The following GINM1 variants were observed in gnomAD, a reference collection of about 807,000 sequenced individuals.
The protein encoded by GINM1 is glycoprotein integral membrane protein 1.
Under a neutral mutation model 37.8 loss-of-function variants are expected in GINM1, and 29 were observed. The observed-to-expected ratio is 0.77, with a 90% CI of 0.57 to 1.05. GINM1 has a LOEUF of 1.05. Ranked by LOEUF, GINM1 falls within the 50% of genes least tolerant of loss-of-function variation. The probability of loss-of-function intolerance (pLI) is 0.00; values close to 1 mark genes in which losing one functional copy is unlikely to be tolerated. For synonymous variants in GINM1, 143 were observed against 146.2 expected, an observed-to-expected ratio of 0.98 and a Z score of 0.16; for missense variants, 377 against 397.9, an observed-to-expected ratio of 0.95 and a Z score of 0.45.
intron 7 of GINM1, among the ~76,000 whole-genome samples, chr6:149,584,704 T>C (rs1438656986): frequency 6.6e-6 from 1 of 152,050 alleles, no homozygotes; most frequent in Non-Finnish European, 1.5e-5. Flanking sequence ...TTATACTTAC[T>C]GGTTGAGCAT....
At chr6:149,570,137 TA>T (rs1301159848) in intron 1 of GINM1, among the ~76,000 whole-genome samples, 145 of 2,510 alleles carry the variant, frequency 0.058, 2 homozygotes, top group Admixed American at 0.079. Context: ...AGGTAGGTTT[TA>T]TATATATATA....
chr6:149,572,534 G>C lies in GINM1; in HGVS notation c.208G>C (p.Gly70Arg), dbSNP rs1396365007. 8.1e-6 allele frequency: 13 copies of C among 1,602,108 alleles called. No homozygotes were observed. The highest frequency in any genetic ancestry group is 1.0e-5 in the Non-Finnish European group (12 of 1,171,200). Residue 70 changes from glycine (G) to arginine (R), a missense_variant, in exon 3 of 8, where the codon GGA (glycine) becomes CGA (arginine). Physicochemically the swap from Gly to Arg is moderately radical, Grantham distance 125 (BLOSUM62 -2). Transcript: ENST00000367419. ...QVVLNITYES[G>R]QVYVNDLPVN... ...TGTTCTTAACATAACCTATGAGAGT[G>C]GACAGGTGTATGTAAATGACTTACC...
At position 149,583,610 on chromosome 6, in the gene GINM1, C is replaced by T. The variant is rs76659015; in HGVS notation, c.881+1007C>T. 3.6e-3 allele frequency among the ~76,000 whole-genome samples: 521 copies of T among 145,050 alleles called. 4 individuals carry two copies. The highest frequency in any genetic ancestry group is 0.013 in the African/African-American group (489 of 38,982). ...CGCCATTGCACTCCAGCCTGGGAAACGAGCAAAACTCCCTCTCGAAAAAAA... is the reference window on the plus strand; with the variant it reads ...CGCCATTGCACTCCAGCCTGGGAAATGAGCAAAACTCCCTCTCGAAAAAAA... On this transcript the variant is annotated intron_variant, in intron 7 of 7. Transcript: ENST00000367419.
chr6:149,577,545 G>A (rs558666120), intron 3 of GINM1: 1 of 152,662 alleles, frequency 6.6e-6, no homozygotes, highest in East Asian at 1.9e-4. Context: ...GTCACAGTGA[G>A]ACGAGCTTGG....
At chr6:149,571,187 T>C (rs1426929677) in intron 1 of GINM1, among the ~76,000 whole-genome samples, 2 of 151,912 alleles carry the variant, frequency 1.3e-5, no homozygotes, top group African/African-American at 2.4e-5. Context: ...TGGTGATGCA[T>C]GCCTGTAATC....
intron 1 of GINM1, among the ~76,000 whole-genome samples, chr6:149,569,049 A>G (rs1161125277): frequency 1.3e-5 from 2 of 150,910 alleles, no homozygotes; most frequent in Admixed American, 6.6e-5. Context: ...TATTTTTGAG[A>G]GAGAGTCTCA....
At chr6:149,586,985 G>A (rs182156444) in intron 7 of GINM1, among the ~76,000 whole-genome samples, 2 of 152,018 alleles carry the variant, frequency 1.3e-5, no homozygotes, top group East Asian at 3.9e-4. Context: ...GGCCAGGTTG[G>A]CCCAGGCTGG....
intron 7 of GINM1, among the ~76,000 whole-genome samples, chr6:149,585,818 C>A (rs1446956164): frequency 6.6e-6 from 1 of 151,998 alleles, no homozygotes; most frequent in Admixed American, 6.6e-5. Context: ...GGTCTTGATC[C>A]CCTGACCTCG....
At chr6:149,579,070 A>T in intron 4 of GINM1, 97 bp downstream of exon 4, 1 of 711,682 alleles carries the variant, frequency 1.4e-6, no homozygotes, top group Non-Finnish European at 2.2e-6. Flanking sequence ...TTCCGACTTG[A>T]TAAGGAAGGT....
At chr6:149,567,472 C>T (rs758757964) in intron 1 of GINM1, among the ~76,000 whole-genome samples, 1 of 152,136 alleles carries the variant, frequency 6.6e-6, no homozygotes, top group Non-Finnish European at 1.5e-5. Flanking sequence ...GAAACCCCGT[C>T]TCTACTAAAA....
chr6:149,579,710 A>AG, intron 4 of GINM1, 124 bp from the exon 5 acceptor site: 1 of 542,810 alleles, frequency 1.8e-6, no homozygotes, highest in African/African-American at 2.0e-5. Flanking sequence ...AAAAAAAAAA[A>AG]GAGTAATTGT....
intron 7 of GINM1, among the ~76,000 whole-genome samples, chr6:149,583,489 G>C (rs1002451482): frequency 2.0e-5 from 3 of 151,350 alleles, no homozygotes; most frequent in East Asian, 1.9e-4. Context: ...AACTAGCTGG[G>C]CGTGTGGCAC....
At chr6:149,590,634 A>G (rs748299175) in intron 7 of GINM1, 93 bp from the exon 8 acceptor site, 4 of 663,584 alleles carry the variant, frequency 6.0e-6, no homozygotes, top group Non-Finnish European at 1.1e-5. Flanking sequence ...CCTTAGGTGT[A>G]TATTATAACC....
At chr6:149,575,569 C>A (rs1777902289) in intron 3 of GINM1, among the ~76,000 whole-genome samples, 1 of 152,198 alleles carries the variant, frequency 6.6e-6, no homozygotes, top group South Asian at 2.1e-4. Flanking sequence ...ATATTGTACT[C>A]ACCTCAGGGA....
At chr6:149,586,084 A>G (rs1778066679) in intron 7 of GINM1, among the ~76,000 whole-genome samples, 2 of 152,102 alleles carry the variant, frequency 1.3e-5, no homozygotes, top group Admixed American at 1.3e-4. Context: ...GTTGCTTATA[A>G]AGTAATACCT....
At chr6:149,573,710 T>C (rs1217774534) in intron 3 of GINM1, among the ~76,000 whole-genome samples, 3 of 151,282 alleles carry the variant, frequency 2.0e-5, no homozygotes, top group Admixed American at 1.3e-4. Flanking sequence ...CTGCAAAAAA[T>C]ACAAAAATAA....
intron 6 of GINM1, among the ~76,000 whole-genome samples, chr6:149,581,559 T>G (rs143096491): frequency 4.9e-3 from 743 of 152,328 alleles, no homozygotes; most frequent in Non-Finnish European, 7.1e-3. Flanking sequence ...TTAATCTGAA[T>G]AGCAGTGTAA....
chr6:149,568,917 T>TCACTGCAGCCTCC (rs1777764719), intron 1 of GINM1, among the ~76,000 whole-genome samples: 1 of 151,728 alleles, frequency 6.6e-6, no homozygotes, highest in South Asian at 2.1e-4. Flanking sequence ...CTGCAGCCTC[T>TCACTGCAGCCTCC]GCCTCCCAGG....
chr6:149,588,897 G>A (rs573188152), intron 7 of GINM1, among the ~76,000 whole-genome samples: 4 of 152,112 alleles, frequency 2.6e-5, no homozygotes, highest in African/African-American at 9.6e-5. Flanking sequence ...TCCACCTCCT[G>A]GTTTCAAGCA....
Sources: allele counts gnomAD v4.1 joint callset (sites outside exome capture counted in the v4.1 genomes callset), GRCh38; gene constraint gnomAD v4.1.1; transcripts MANE v1.5; gene names NCBI Gene and HGNC (gene_info 2026-07-23, HGNC 2026-07-21).